The following PGBD2 variants were observed in gnomAD, a reference collection of about 807,000 sequenced individuals.
The protein encoded by PGBD2 is piggyBac transposable element-derived protein 2.
In PGBD2, 6 loss-of-function variants were observed where a neutral mutation model predicts 8.1. The observed-to-expected ratio is 0.74, with a 90% CI of 0.40 to 1.46. PGBD2 has a LOEUF of 1.46. Among genes scored for constraint, PGBD2 ranks in the 40% most tolerant of loss-of-function variants. The pLI, the probability that PGBD2 is intolerant of heterozygous loss-of-function variation, is 0.02. For synonymous variants in PGBD2, 318 were observed against 272.2 expected (o/e 1.17, Z -1.66); for missense variants, 802 against 739.0 (o/e 1.09, Z -0.99).
At position 248,918,330 on chromosome 1, in the gene PGBD2, T is replaced by C; in HGVS notation, c.1746T>C (p.His582=). 6.4e-7 allele frequency: 1 copy of C among 1,571,346 alleles called. No homozygotes were observed. The highest frequency in any genetic ancestry group is 2.2e-5 in the East Asian group (1 of 44,662). Residue 582 remains histidine, a synonymous_variant, in exon 3 of 3, where the codon CAT becomes CAC. Coordinates refer to ENST00000329291, the MANE Select transcript of PGBD2 (RefSeq NM_170725.3). ...GTGAGAAGTGCCAGAAGGGTGTCCATGCCAAATGCTTCAGGGAGTACCACA... is the reference window on the plus strand; with the variant it reads ...GTGAGAAGTGCCAGAAGGGTGTCCACGCCAAATGCTTCAGGGAGTACCACA... The part of the protein sequence containing the change: ...TRCEKCQKGV[H]AKCFREYHIR
At chr1:248,895,519 T>C in the PGBD2 span, among the ~76,000 whole-genome samples, 1 of 152,120 alleles carries the variant, frequency 6.6e-6, no homozygotes, top group African/African-American at 2.4e-5. Context: ...AGGAATTAAA[T>C]ATCTTAATGA....
the PGBD2 span, among the ~76,000 whole-genome samples, chr1:248,879,086 C>G: frequency 2.0e-5 from 3 of 152,204 alleles, no homozygotes; most frequent in Non-Finnish European, 1.5e-5. Context: ...GCCACCTGAA[C>G]AGTGAGTGTG....
chr1:248,873,910 G>A, the PGBD2 span, among the ~76,000 whole-genome samples: 3 of 152,206 alleles, frequency 2.0e-5, no homozygotes, highest in Admixed American at 6.5e-5. Context: ...CCTTGCCTGC[G>A]GGCTTTCTGG....
At chr1:248,912,222 C>T (rs1661918063) in intron 1 of PGBD2, among the ~76,000 whole-genome samples, 1 of 152,274 alleles carries the variant, frequency 6.6e-6, no homozygotes, top group South Asian at 2.1e-4. Context: ...AGGGATGCTT[C>T]CTGACTTCTG....
chr1:248,913,248 C>T (rs908125059), intron 1 of PGBD2, among the ~76,000 whole-genome samples: 2 of 152,082 alleles, frequency 1.3e-5, no homozygotes, highest in African/African-American at 4.8e-5. Flanking sequence ...GTGTAGCCTT[C>T]CAGTTCTGGT....
At chr1:248,914,570 A>C (rs1029111753) in intron 2 of PGBD2, 1 of 1,289,030 alleles carries the variant, frequency 7.8e-7, no homozygotes, top group Non-Finnish European at 1.0e-6. Flanking sequence ...GTCTGTACTG[A>C]TGCAGCTTCT....
At chr1:248,889,236 T>C in the PGBD2 span, among the ~76,000 whole-genome samples, 1 of 151,372 alleles carries the variant, frequency 6.6e-6, no homozygotes, top group Non-Finnish European at 1.5e-5. Flanking sequence ...AATACAAAAA[T>C]TAGCTGGATG....
the PGBD2 span, among the ~76,000 whole-genome samples, chr1:248,929,207 CTGTT>C: frequency 6.6e-6 from 1 of 152,092 alleles, no homozygotes; most frequent in African/African-American, 2.4e-5. Context: ...TGGTTTCTGT[CTGTT>C]TTTTTTCAGA....
chr1:248,896,701 G>C, the PGBD2 span, among the ~76,000 whole-genome samples: 1 of 152,216 alleles, frequency 6.6e-6, no homozygotes, highest in Non-Finnish European at 1.5e-5. Flanking sequence ...CGCTCACCAA[G>C]AAGAATGAAA....
chr1:248,915,498 C>A (rs527791041), intron 2 of PGBD2, among the ~76,000 whole-genome samples: 1 of 152,264 alleles, frequency 6.6e-6, no homozygotes, highest in East Asian at 1.9e-4. Flanking sequence ...GTTCTGAGCA[C>A]GATTAAGGTA....
chr1:248,886,704 G>C, the PGBD2 span, among the ~76,000 whole-genome samples: 6 of 152,322 alleles, frequency 3.9e-5, no homozygotes, highest in Non-Finnish European at 5.9e-5. Context: ...GCATGCTCCA[G>C]CTGTGTGGCC....
intron 1 of PGBD2, among the ~76,000 whole-genome samples, chr1:248,907,282 T>A (rs1309986502): frequency 6.6e-6 from 1 of 152,240 alleles, no homozygotes; most frequent in Non-Finnish European, 1.5e-5. Context: ...GAATAAAGAA[T>A]AACAGGGCAG....
the PGBD2 span, among the ~76,000 whole-genome samples, chr1:248,928,152 C>T: frequency 1.3e-5 from 2 of 152,076 alleles, no homozygotes; most frequent in Admixed American, 1.3e-4. Flanking sequence ...CTTCAAACAC[C>T]ACAAGTTTTC....
At chr1:248,892,931 C>G in the PGBD2 span, among the ~76,000 whole-genome samples, 38 of 152,296 alleles carry the variant, frequency 2.5e-4, no homozygotes, top group African/African-American at 8.9e-4. Flanking sequence ...TGACAATTGT[C>G]TATATGCATT....
At chr1:248,878,413 G>A in the PGBD2 span, among the ~76,000 whole-genome samples, 1 of 152,018 alleles carries the variant, frequency 6.6e-6, no homozygotes, top group Non-Finnish European at 1.5e-5. Flanking sequence ...TCCTGACCTC[G>A]TGATCCGCCC....
At chr1:248,886,597 T>C in the PGBD2 span, among the ~76,000 whole-genome samples, 1 of 152,212 alleles carries the variant, frequency 6.6e-6, no homozygotes, top group African/African-American at 2.4e-5. Context: ...TGTTGGAGAA[T>C]TGCATTTTTG....
upstream of PGBD2, among the ~76,000 whole-genome samples, chr1:248,901,372 T>C (rs975438801): frequency 6.2e-4 from 95 of 152,188 alleles, no homozygotes; most frequent in Non-Finnish European, 2.9e-5. Flanking sequence ...CAAGACAGCA[T>C]GGTACTGGTA....
chr1:248,910,251 C>G (rs964671751), intron 1 of PGBD2, among the ~76,000 whole-genome samples: 4 of 152,224 alleles, frequency 2.6e-5, no homozygotes, highest in African/African-American at 9.6e-5. Flanking sequence ...TGAAGAGCCT[C>G]AGGTCAGTCC....
chr1:248,926,661 C>T, the PGBD2 span, among the ~76,000 whole-genome samples: 1 of 152,176 alleles, frequency 6.6e-6, no homozygotes, highest in Admixed American at 6.5e-5. Flanking sequence ...TCATTACTCA[C>T]ACAACAAAAT....
Sources: gnomAD v4.1 joint callset for allele counts (sites outside exome capture counted in the v4.1 genomes callset) on GRCh38, gnomAD v4.1.1 for gene constraint, MANE v1.5 for transcripts, NCBI Gene and HGNC (gene_info 2026-07-23, HGNC 2026-07-21) for gene names.